EHMT2: variants seen among roughly 807,000 people sequenced by gnomAD.
EHMT2 encodes the protein histone-lysine N-methyltransferase EHMT2.
Under a neutral mutation model 143.3 loss-of-function variants are expected in EHMT2, and 59 were observed. The ratio of observed to expected loss-of-function variants is 0.41; its 90% CI spans 0.33 to 0.51. The LOEUF is 0.51. Ranked by LOEUF, EHMT2 falls within the 20% of genes least tolerant of loss-of-function variation. The pLI is 0.18. For synonymous variants in EHMT2, 604 were observed against 651.5 expected, an observed-to-expected ratio of 0.93 and a Z score of 1.11; for missense variants, 1,174 against 1,645.9, an observed-to-expected ratio of 0.71 and a Z score of 4.96.
exon 28 of EHMT2, chr6:31,879,968 G>C: frequency 1.7e-6 from 2 of 1,176,284 alleles, no homozygotes; most frequent in Non-Finnish European, 2.4e-6. Context: ...ATGTGTGAAA[G>C]GGTGGTGGGG....
exon 24 of EHMT2, chr6:31,882,979 T>A: frequency 6.2e-7 from 1 of 1,612,878 alleles, no homozygotes; most frequent in African/African-American, 1.3e-5. Context: ...GGAGGCTCAA[T>A]CTTGTTAAAT....
Position 31,888,250 on chromosome 6 carries a change from G to T in EHMT2, c.1536C>A (p.Asp512Glu). 2 of 1,613,020 alleles carry T rather than the reference G, an allele frequency of 1.2e-6. No individual in the cohort carries two copies. Among genetic ancestry groups the T allele is most frequent in the Non-Finnish European group, 1.7e-6 (2 of 1,179,992 alleles). ...TGTGGAAGCGGTGGGCCACACGGAA[G>T]TCAGGGTGGCACTCCAGGAAGGTGC... The change falls in exon 13 of 28, where the codon GAC becomes GAA. Residue 512 changes from aspartate to glutamate, a missense_variant. Transcript: ENST00000375537. The surrounding 1 kb of genome is among the most constrained non-coding windows in gnomAD (Gnocchi z 7.4).
In EHMT2 at chr6:31,883,569, G is replaced by T. The variant is rs1459898745; in HGVS notation, c.2917-130C>A. 8.3e-5 allele frequency: 88 copies of T among 1,059,242 alleles called. No individual in the cohort carries two copies. The highest frequency in any genetic ancestry group is 1.2e-4 in the Non-Finnish European group (84 of 710,294). The allele number at this position is 1,059,242 out of a possible 1,614,324, so 65.6% of individuals were successfully genotyped here. A position where few individuals can be genotyped will look rare whatever the true frequency, so the allele number is the denominator to read the frequency against. On this transcript the variant is annotated intron_variant, in intron 22 of 27. Coordinates refer to ENST00000375537, the Ensembl canonical transcript of EHMT2. The surrounding 1 kb of genome is among the most constrained non-coding windows in gnomAD (Gnocchi z 5.6). ...TGTGTTACAACAGTGGGTGGTGATGGTCCTAGGGTGACGGGTAATCAGTAT... is the reference window on the plus strand; with the variant it reads ...TGTGTTACAACAGTGGGTGGTGATGTTCCTAGGGTGACGGGTAATCAGTAT...
exon 18 of EHMT2, chr6:31,886,674 G>A (rs755554060): frequency 5.6e-6 from 9 of 1,613,972 alleles, no homozygotes; most frequent in East Asian, 2.2e-5. Flanking sequence ...AGGTGGAACC[G>A]TCCTCCTCCT....
At position 31,883,134 on chromosome 6, in the gene EHMT2, C is replaced by A. The variant is rs550962148; in HGVS notation, c.2995-125G>T. 7.0e-4 allele frequency: 654 copies of A among 933,524 alleles called. 5 individuals carry two copies. The South Asian group carries it at 8.7e-3, about 12-fold the overall frequency. 57.8% of individuals were successfully genotyped at this position (933,524 alleles called of 1,614,324 possible). ...GGGGAGGTCACACAGGCTCTGAGAT[C>A]CGAGAGCACGAAATGCAGGAGCATC... On this transcript the variant is annotated intron_variant, in intron 23 of 27. Transcript: ENST00000375537. This position sits in a 1 kb window ranked among gnomAD's most constrained non-coding sequence, Gnocchi z 5.6.
At chr6:31,897,212 CGA>C in intron 1 of EHMT2, 1 of 1,245,932 alleles carries the variant, frequency 8.0e-7, no homozygotes, top group Non-Finnish European at 1.0e-6. Context: ...TCTCTGGGGC[CGA>C]GAGAAGAGGA....
At chr6:31,893,596 G>A (rs896599870) in intron 4 of EHMT2, 3 of 260,848 alleles carry the variant, frequency 1.2e-5, no homozygotes, top group African/African-American at 2.2e-5. Context: ...GATTACAGGC[G>A]TGAGTCACTG....
At chr6:31,886,125 T>A in intron 18 of EHMT2, 1 of 155,388 alleles carries the variant, frequency 6.4e-6, no homozygotes, top group Non-Finnish European at 1.4e-5. Context: ...GGAAGCAGAG[T>A]TTCTTAGAGA....
intron 18 of EHMT2, 27 bp downstream of exon 18, chr6:31,886,554 A>G: frequency 1.3e-6 from 2 of 1,594,286 alleles, no homozygotes; most frequent in Non-Finnish European, 1.7e-6. Context: ...AGGGACCCAG[A>G]GGGGCTGGGC....
chr6:31,884,807 G>C lies in EHMT2; in HGVS notation c.2449-8C>G. The C allele has an allele frequency of 6.3e-7, 1 of 1,593,928 alleles. No homozygotes were observed. The highest frequency in any genetic ancestry group is 8.6e-7 in the Non-Finnish European group (1 of 1,169,476). ...CAGGCAGATGTTCTCCTCCTGTGGA[G>C]GTAGGAGGGGAACAGATGAGGTGCA... On this transcript the variant is annotated splice_polypyrimidine_tract_variant and splice_region_variant and intron_variant, in intron 19 of 27. Transcript: ENST00000375537. This position sits in a 1 kb window ranked among gnomAD's most constrained non-coding sequence, Gnocchi z 7.3.
Position 31,889,132 on chromosome 6 carries a change from T to C in EHMT2, c.1115-62A>G, listed in dbSNP as rs1765324735. 3 of 1,534,836 alleles carry C rather than the reference T, an allele frequency of 2.0e-6. No homozygotes were observed. Among genetic ancestry groups the C allele is most frequent in the Admixed American group, 1.9e-5 (1 of 51,988 alleles). The stretch of plus-strand genomic sequence containing the variant: ...ACAGGTGCCTGGACGCGTGGGTACA[T>C]GCAGGTGGACATGCGAGAGCGTGTG... On this transcript the variant is annotated intron_variant, in intron 9 of 27. Coordinates refer to ENST00000375537, the Ensembl canonical transcript of EHMT2. This position sits in a 1 kb window ranked among gnomAD's most constrained non-coding sequence, Gnocchi z 5.1.
exon 15 of EHMT2, chr6:31,887,633 C>T (rs1562491928): frequency 3.1e-6 from 5 of 1,613,002 alleles, no homozygotes; most frequent in Non-Finnish European, 4.2e-6. Flanking sequence ...GTACAACTGC[C>T]GAGGGTGGAA....
chr6:31,884,156 T>C lies in EHMT2; in HGVS notation c.2772-206A>G. The C allele has an allele frequency of 1.4e-6, 1 of 701,622 alleles. No individual in the cohort carries two copies. 43.5% of individuals were successfully genotyped at this position (701,622 alleles called of 1,614,324 possible). ...TATGTCCCAAAAATTACACAGGACATTCTCACACTAAAAAAGTATGCATCT... is the reference window on the plus strand; with the variant it reads ...TATGTCCCAAAAATTACACAGGACACTCTCACACTAAAAAAGTATGCATCT... On this transcript the variant is annotated intron_variant, in intron 21 of 27. Transcript: ENST00000375537. The surrounding 1 kb of genome is among the most constrained non-coding windows in gnomAD (Gnocchi z 7.3).
Position 31,889,481 on chromosome 6 carries a change from T to A in EHMT2, c.986A>T (p.Asn329Ile). ...TCCGTCTCTTACCCTATCTGACTGA[T>A]TCCCTGACTCCTCATCTTCCTCTTC... Residue 329 changes from asparagine (N) to isoleucine (I), a missense_variant, in exon 8 of 28, where the codon AAT becomes ATT. By Grantham distance (149) the Asn-to-Ile change is moderately radical. Transcript: ENST00000375537. The surrounding 1 kb of genome is among the most constrained non-coding windows in gnomAD (Gnocchi z 5.1). The A allele has an allele frequency of 6.2e-7, 1 of 1,612,856 alleles. No individual in the cohort carries two copies. Among genetic ancestry groups the A allele is most frequent in the Non-Finnish European group, 8.5e-7 (1 of 1,179,976 alleles).
At position 31,888,172 on chromosome 6, in the gene EHMT2, C is replaced by T. The variant is rs1354755722; in HGVS notation, c.1614G>A (p.Glu538=). The T allele has an allele frequency of 6.2e-7, 1 of 1,612,794 alleles. No individual in the cohort carries two copies. Among genetic ancestry groups the T allele is most frequent in the Non-Finnish European group, 8.5e-7 (1 of 1,179,976 alleles). The change falls in exon 13 of 28, where the codon GAG becomes GAA. Residue 538 remains glutamate, a synonymous_variant. Transcript: ENST00000375537. This position sits in a 1 kb window ranked among gnomAD's most constrained non-coding sequence, Gnocchi z 7.4. The stretch of plus-strand genomic sequence containing the variant: ...TCACCTCTTGAGCTTCAGAAGCATC[C>T]TCCCCACAGTGGGGACAGAAGACCA...
chr6:31,887,094 G>A (rs1217854339), exon 16 of EHMT2: 1 of 1,603,576 alleles, frequency 6.2e-7, no homozygotes. Context: ...TGGGGTCCAG[G>A]TTGTCCACTG....
chr6:31,896,054 T>G, intron 4 of EHMT2: 1 of 583,030 alleles, frequency 1.7e-6, no homozygotes, highest in Non-Finnish European at 2.9e-6. Flanking sequence ...CTCTTTAACA[T>G]CAAACTTTCA....
rs377037737 is a variant in EHMT2, at chr6:31,882,885, G to C, written c.3110+9C>G. 1.7e-4 allele frequency: 276 copies of C among 1,612,086 alleles called. 8 individuals are homozygous for C. The South Asian group carries it at 2.4e-3, about 14-fold the overall frequency. ...TGGGGAGAGGGTGGGCTGTGGAGCA[G>C]GGCCTCACTTGATGCCACTCTGTAC... is the stretch of plus-strand genomic sequence containing the variant. On this transcript the variant is annotated intron_variant, in intron 24 of 27. Transcript: ENST00000375537.
At chr6:31,891,776 C>T (rs541246194) in intron 7 of EHMT2, among the ~76,000 whole-genome samples, 5 of 151,928 alleles carry the variant, frequency 3.3e-5, no homozygotes, top group Non-Finnish European at 7.4e-5. Context: ...AACAGCATAA[C>T]GTATGTTTTA....
Sources: gnomAD v4.1 joint callset for allele counts (sites outside exome capture counted in the v4.1 genomes callset) on GRCh38, gnomAD v4.1.1 for gene constraint, Gnocchi (gnomAD v3.1) non-coding constraint, MANE v1.5 for transcripts, NCBI Gene and HGNC (gene_info 2026-07-23, HGNC 2026-07-21) for gene names.